LCOR: variants seen among roughly 807,000 people sequenced by gnomAD.
The protein encoded by LCOR is ligand-dependent corepressor.
A neutral mutation model predicts 64.4 loss-of-function variants in LCOR; 14 were observed. That is an observed-to-expected ratio of 0.22 (90% CI 0.14 to 0.34). LCOR has a LOEUF of 0.34. Among genes scored for constraint, LCOR ranks in the 10% least tolerant of loss-of-function variants. LCOR has a pLI of 1.00. For synonymous variants in LCOR, 643 were observed against 642.5 expected (o/e 1.00, Z -0.01); for missense variants, 1,686 against 1,765.3 (o/e 0.96, Z 0.80).
chr10:96,909,400 G>C (rs61492214), intron 4 of LCOR, among the ~76,000 whole-genome samples: 28,847 of 152,036 alleles, frequency 0.19, 4,641 homozygotes, highest in African/African-American at 0.44. Flanking sequence ...AAGCCCCATC[G>C]TTCCTCTGCT....
chr10:96,861,255 T>C (rs1439542490), intron 2 of LCOR, among the ~76,000 whole-genome samples: 2 of 152,208 alleles, frequency 1.3e-5, no homozygotes, highest in East Asian at 3.8e-4. Context: ...ATGCTTTCCC[T>C]TCCAGCCCCA....
intron 2 of LCOR, among the ~76,000 whole-genome samples, chr10:96,893,885 G>C (rs552096078): frequency 1.2e-4 from 18 of 152,098 alleles, no homozygotes; most frequent in Admixed American, 9.2e-4. Flanking sequence ...TTACTTCCTA[G>C]AGTTGTAGTA....
At chr10:96,881,544 C>G (rs1846262862) in intron 2 of LCOR, among the ~76,000 whole-genome samples, 1 of 151,742 alleles carries the variant, frequency 6.6e-6, no homozygotes, top group African/African-American at 2.4e-5. Flanking sequence ...GCAACCTCTG[C>G]CTCCTGGGTT....
intron 7 of LCOR, chr10:96,957,106 A>T: frequency 1.0e-6 from 1 of 985,204 alleles, no homozygotes; most frequent in South Asian, 4.7e-5. Context: ...AGTCAAGCTC[A>T]TTGGAATTCC....
At chr10:96,929,555 C>G (rs1029872192) in intron 4 of LCOR, among the ~76,000 whole-genome samples, 1 of 152,232 alleles carries the variant, frequency 6.6e-6, no homozygotes. Flanking sequence ...ATCTTCTATC[C>G]AGACCACTCA....
At chr10:96,911,972 C>T (rs1201275401) in intron 4 of LCOR, among the ~76,000 whole-genome samples, 2 of 150,874 alleles carry the variant, frequency 1.3e-5, no homozygotes, top group African/African-American at 2.4e-5. Flanking sequence ...CTCACTGTTG[C>T]GCAGGCTGCA....
At chr10:96,894,995 C>G (rs1353850996) in intron 2 of LCOR, among the ~76,000 whole-genome samples, 1 of 152,140 alleles carries the variant, frequency 6.6e-6, no homozygotes, top group East Asian at 1.9e-4. Context: ...TCTTTCTAAT[C>G]TTTAAACATT....
chr10:96,940,303 ATTTTTTTTTTTTT>A (rs552752409), intron 4 of LCOR, among the ~76,000 whole-genome samples: 55 of 65,454 alleles, frequency 8.4e-4, no homozygotes, highest in African/African-American at 1.9e-3. Context: ...GGTGGTCATG[ATTTTTTTTTTTTT>A]TTTTTTTTTT....
chr10:96,941,649 G>A, intron 4 of LCOR, among the ~76,000 whole-genome samples: 2 of 149,494 alleles, frequency 1.3e-5, no homozygotes, highest in Non-Finnish European at 1.5e-5. Context: ...CCCAGACGGG[G>A]TGGCTGCCGG....
At position 96,991,801 on chromosome 10, in the gene LCOR, G is replaced by C. The variant is rs988542841; in HGVS notation, c.*6667G>C. The C allele has an allele frequency of 1.3e-5, 2 of 152,242 alleles. No homozygotes were observed. The highest frequency in any genetic ancestry group is 4.8e-5 in the African/African-American group (2 of 41,440). 9.4% of individuals were successfully genotyped at this position (152,242 alleles called of 1,614,324 possible). On this transcript the variant is annotated 3_prime_UTR_variant, in exon 8 of 8. Transcript: ENST00000421806. ...TCTGAGGAGCCATCCTTGGCACCTT[G>C]CCCTCCCTCCTCCTGCCTCTGCTTA...
At chr10:96,958,128 C>T (rs1012872780) in intron 7 of LCOR, 16 of 1,173,912 alleles carry the variant, frequency 1.4e-5, no homozygotes, top group African/African-American at 4.7e-5. Context: ...TACCTTTTTG[C>T]GTAATGTTTG....
chr10:96,970,024 C>T (rs1847985217), intron 7 of LCOR, among the ~76,000 whole-genome samples: 1 of 146,976 alleles, frequency 6.8e-6, no homozygotes, highest in Admixed American at 6.8e-5. Context: ...ATCTCCTGAC[C>T]TCATGATCCG....
chr10:96,969,946 ATTTT>A (rs751045855), intron 7 of LCOR, among the ~76,000 whole-genome samples: 3 of 67,764 alleles, frequency 4.4e-5, no homozygotes, highest in African/African-American at 1.2e-4. Context: ...CACCTGGATA[ATTTT>A]TTTTTTTTTT....
intron 7 of LCOR, chr10:96,963,553 A>G (rs1847913852): frequency 6.6e-6 from 1 of 152,170 alleles, no homozygotes; most frequent in Non-Finnish European, 1.5e-5. Flanking sequence ...GATTCTGCCA[A>G]AGTTGGTGTT....
intron 2 of LCOR, among the ~76,000 whole-genome samples, chr10:96,858,010 A>G (rs1002858310): frequency 1.3e-5 from 2 of 152,166 alleles, no homozygotes; most frequent in African/African-American, 4.8e-5. Flanking sequence ...TTGTGATTCA[A>G]GTTATTTAAG....
At chr10:96,915,284 G>C (rs1459706138) in intron 4 of LCOR, among the ~76,000 whole-genome samples, 1 of 152,190 alleles carries the variant, frequency 6.6e-6, no homozygotes, top group Non-Finnish European at 1.5e-5. Context: ...ACTTTGGGAG[G>C]CCGAGGCAGA....
chr10:96,918,948 TAA>T (rs962099476), intron 4 of LCOR, among the ~76,000 whole-genome samples: 13 of 152,186 alleles, frequency 8.5e-5, no homozygotes, highest in African/African-American at 2.4e-4. Context: ...ACAAAAAAGG[TAA>T]AGTTTCAAGA....
chr10:96,919,864 T>C (rs1036778019), intron 4 of LCOR, among the ~76,000 whole-genome samples: 9 of 152,348 alleles, frequency 5.9e-5, no homozygotes, highest in East Asian at 3.9e-4. Context: ...ATTCCACTTA[T>C]GTATATATCC....
chr10:96,975,956 A>C (rs931952296), intron 7 of LCOR, among the ~76,000 whole-genome samples: 1 of 152,170 alleles, frequency 6.6e-6, no homozygotes. Context: ...TGGAGGTTGC[A>C]GTGAGCCAAG....
Sources: gnomAD v4.1 joint callset for allele counts (sites outside exome capture counted in the v4.1 genomes callset) on GRCh38, gnomAD v4.1.1 for gene constraint, MANE v1.5 for transcripts, NCBI Gene and HGNC (gene_info 2026-07-23, HGNC 2026-07-21) for gene names.